FGGY: variants seen among roughly 807,000 people sequenced by gnomAD.
The protein encoded by FGGY is FGGY carbohydrate kinase domain containing, also known as FGGY carbohydrate kinase domain-containing protein.
A neutral mutation model predicts 71.3 loss-of-function variants in FGGY; 72 were observed. The ratio of observed to expected loss-of-function variants is 1.01; its 90% confidence interval spans 0.84 to 1.23. The LOEUF (loss-of-function observed/expected upper bound fraction) is 1.23. Among genes scored for constraint, FGGY ranks in the 50% most tolerant of loss-of-function variants. The pLI is 0.00. For missense variants in FGGY, 668 were observed against 682.3 expected (o/e 0.98, Z 0.23); for synonymous variants, 251 against 250.3 (o/e 1.00, Z -0.02).
At chr1:59,737,704 C>T (rs1345305256) in intron 14 of FGGY, among the ~76,000 whole-genome samples, 4 of 152,212 alleles carry the variant, frequency 2.6e-5, no homozygotes, top group East Asian at 3.9e-4. Context: ...TTTGCAGGCT[C>T]ATAGGCAGAA....
intron 10 of FGGY, among the ~76,000 whole-genome samples, chr1:59,628,746 T>C (rs1313802755): frequency 6.6e-6 from 1 of 152,200 alleles, no homozygotes; most frequent in Non-Finnish European, 1.5e-5. Flanking sequence ...GAGAAACCCA[T>C]GTAGCTAGCT....
chr1:59,501,586 A>G (rs913314997), intron 6 of FGGY, among the ~76,000 whole-genome samples: 30 of 152,350 alleles, frequency 2.0e-4, no homozygotes, highest in African/African-American at 6.3e-4. Context: ...AAAGCATTGG[A>G]CATCTTAACA....
At chr1:59,660,098 G>A in intron 11 of FGGY, 121 bp from the exon 12 acceptor site, 1 of 809,056 alleles carries the variant, frequency 1.2e-6, no homozygotes, top group Admixed American at 2.2e-5. Context: ...CACAAAAAGG[G>A]GATTTGCATA....
chr1:59,331,861 G>A, intron 2 of FGGY: 1 of 152,262 alleles, frequency 6.6e-6, no homozygotes, highest in Non-Finnish European at 1.5e-5. Context: ...GGAGCCTGAG[G>A]GAACTGGTGA....
chr1:59,593,959 CA>C (rs1276572667), intron 8 of FGGY, among the ~76,000 whole-genome samples: 2 of 152,216 alleles, frequency 1.3e-5, no homozygotes. Flanking sequence ...GAAACTAAGC[CA>C]GGGGCTCTGC....
intron 14 of FGGY, among the ~76,000 whole-genome samples, chr1:59,709,498 A>ACACACC (rs2097778968): frequency 6.6e-6 from 1 of 151,882 alleles, no homozygotes. Flanking sequence ...ACACACACAC[A>ACACACC]CACTGGAAGA....
At chr1:59,647,152 A>G (rs1195193943) in intron 11 of FGGY, among the ~76,000 whole-genome samples, 1 of 152,226 alleles carries the variant, frequency 6.6e-6, no homozygotes, top group Non-Finnish European at 1.5e-5. Context: ...CAAAGGAACT[A>G]AGGCCAGAGG....
intron 5 of FGGY, among the ~76,000 whole-genome samples, chr1:59,399,865 C>G (rs981472005): frequency 6.6e-6 from 1 of 152,138 alleles, no homozygotes. Context: ...CCATTCTGTT[C>G]AGTCTAGAAG....
At chr1:59,636,071 T>C (rs1572420181) in intron 10 of FGGY, among the ~76,000 whole-genome samples, 1 of 152,308 alleles carries the variant, frequency 6.6e-6, no homozygotes, top group African/African-American at 2.4e-5. Context: ...CCCAGTAATA[T>C]CTTATTCCTC....
At position 59,625,976 on chromosome 1, in the gene FGGY, C is replaced by T; in HGVS notation, c.1012-12C>T. On this transcript the variant is annotated splice_polypyrimidine_tract_variant and intron_variant, in intron 9 of 15. Transcript: ENST00000303721. Reference sequence around the variant, plus strand: ...GAAGCTATAAAATTGACCCATGTCTCTTATTTTTCAGATAGACCACATGGT... The same window carrying T: ...GAAGCTATAAAATTGACCCATGTCTTTTATTTTTCAGATAGACCACATGGT... The T allele has an allele frequency of 6.3e-7, 1 of 1,592,190 alleles. No homozygotes were observed. The highest frequency in any genetic ancestry group is 1.2e-5 in the South Asian group (1 of 85,152).
intron 6 of FGGY, among the ~76,000 whole-genome samples, chr1:59,474,745 T>C (rs1372268108): frequency 6.6e-6 from 1 of 152,194 alleles, no homozygotes; most frequent in Non-Finnish European, 1.5e-5. Context: ...GTGACTGATG[T>C]AGATAAACGA....
intron 8 of FGGY, among the ~76,000 whole-genome samples, chr1:59,559,620 C>A (rs1486123811): frequency 6.6e-6 from 1 of 152,014 alleles, no homozygotes; most frequent in African/African-American, 2.4e-5. Flanking sequence ...ATACAAAGAA[C>A]CAGGACTCCT....
At chr1:59,731,572 G>A (rs2098029924) in intron 14 of FGGY, among the ~76,000 whole-genome samples, 1 of 152,052 alleles carries the variant, frequency 6.6e-6, no homozygotes, top group African/African-American at 2.4e-5. Context: ...ATTACAGGAA[G>A]CAGTGGGGTT....
intron 5 of FGGY, among the ~76,000 whole-genome samples, chr1:59,397,737 G>C (rs988234570): frequency 6.6e-6 from 1 of 152,172 alleles, no homozygotes; most frequent in Admixed American, 6.5e-5. Flanking sequence ...AGTATACCCT[G>C]TATTAGTTTA....
chr1:59,599,460 C>A (rs913756261), intron 8 of FGGY, among the ~76,000 whole-genome samples: 1 of 151,626 alleles, frequency 6.6e-6, no homozygotes. Flanking sequence ...TTTGGGAGGC[C>A]GAGACGGGCG....
intron 4 of FGGY, among the ~76,000 whole-genome samples, chr1:59,359,601 C>T (rs1337653453): frequency 6.6e-6 from 1 of 152,178 alleles, no homozygotes; most frequent in African/African-American, 2.4e-5. Flanking sequence ...AGTGCTGACA[C>T]AGCTAAGACC....
chr1:59,586,671 A>T (rs1327863697), intron 8 of FGGY, among the ~76,000 whole-genome samples: 1 of 152,186 alleles, frequency 6.6e-6, no homozygotes, highest in Non-Finnish European at 1.5e-5. Flanking sequence ...AAAAAATAAA[A>T]GACCACGTGA....
chr1:59,639,135 G>A (rs1201836581), intron 11 of FGGY, among the ~76,000 whole-genome samples: 1 of 152,182 alleles, frequency 6.6e-6, no homozygotes, highest in Non-Finnish European at 1.5e-5. Context: ...AGCTGAGAAG[G>A]TGAGTGTGAG....
chr1:59,710,921 C>T (rs995891914), intron 14 of FGGY, among the ~76,000 whole-genome samples: 2 of 152,088 alleles, frequency 1.3e-5, no homozygotes, highest in South Asian at 2.1e-4. Flanking sequence ...TACCATTTGA[C>T]CCAGCAATCC....
Sources: allele counts gnomAD v4.1 joint callset (sites outside exome capture counted in the v4.1 genomes callset), GRCh38; gene constraint gnomAD v4.1.1; transcripts MANE v1.5; gene names NCBI Gene and HGNC (gene_info 2026-07-23, HGNC 2026-07-21).